Variants in LZTS1 observed in about 807,000 individuals in gnomAD.
LZTS1 encodes the protein leucine zipper putative tumor suppressor 1.
LZTS1 carries 31 observed loss-of-function variants against 45.8 expected under a neutral mutation model. The observed-to-expected ratio is 0.68, with a 90% CI of 0.51 to 0.91. The LOEUF (loss-of-function observed/expected upper bound fraction) is 0.91, where lower values mean the gene tolerates loss of function less well. LZTS1 is among the 40% of genes least tolerant of loss of function. The probability of loss-of-function intolerance (pLI) is 0.00; values close to 1 mark genes in which losing one functional copy is unlikely to be tolerated. For synonymous variants in LZTS1, 359 were observed against 357.3 expected (o/e 1.00, Z -0.05); for missense variants, 821 against 788.9 (o/e 1.04, Z -0.49).
chr8:20,263,230 G>A (rs58366232), intron 1 of LZTS1, among the ~76,000 whole-genome samples: 12,117 of 152,190 alleles, frequency 0.08, 546 homozygotes, highest in African/African-American at 0.1. Context: ...GGAAGCAGGC[G>A]GAGACTGGGC....
chr8:20,293,988 T>A (rs1010493296), intron 1 of LZTS1, among the ~76,000 whole-genome samples: 3 of 152,044 alleles, frequency 2.0e-5, no homozygotes, highest in African/African-American at 4.8e-5. Flanking sequence ...AAGAACTGGG[T>A]TCCTGAGGTG....
intron 1 of LZTS1, among the ~76,000 whole-genome samples, chr8:20,296,968 A>G (rs1355740859): frequency 6.6e-6 from 1 of 152,152 alleles, no homozygotes; most frequent in Non-Finnish European, 1.5e-5. Flanking sequence ...GCTGTTAGCT[A>G]ACACACACAT....
chr8:20,257,166 A>G (rs999956420), intron 1 of LZTS1, among the ~76,000 whole-genome samples: 7 of 152,200 alleles, frequency 4.6e-5, no homozygotes, highest in African/African-American at 1.7e-4. Context: ...CCTGGCTAAC[A>G]TGGTGGAACC....
intron 1 of LZTS1, among the ~76,000 whole-genome samples, chr8:20,257,714 G>T (rs1800139401): frequency 6.7e-6 from 1 of 148,322 alleles, no homozygotes; most frequent in South Asian, 2.1e-4. Context: ...CTGTTGCCCA[G>T]GCTGGAGTGC....
At chr8:20,268,077 T>C (rs372988708) in intron 1 of LZTS1, among the ~76,000 whole-genome samples, 6 of 152,274 alleles carry the variant, frequency 3.9e-5, no homozygotes, top group African/African-American at 9.6e-5. Context: ...TGTGAAATTA[T>C]AGAGCAGTAT....
At chr8:20,266,815 G>A (rs187814020) in intron 1 of LZTS1, among the ~76,000 whole-genome samples, 1 of 152,152 alleles carries the variant, frequency 6.6e-6, no homozygotes, top group Admixed American at 6.5e-5. Context: ...GGAGGTGAAA[G>A]TTACTCTCTT....
intron 1 of LZTS1, among the ~76,000 whole-genome samples, chr8:20,279,777 A>C (rs1800652581): frequency 6.6e-6 from 1 of 151,450 alleles, no homozygotes. Flanking sequence ...GCTTGAGTTC[A>C]GGAGTTTGAG....
chr8:20,285,361 A>G (rs73216450), intron 1 of LZTS1, among the ~76,000 whole-genome samples: 12,268 of 151,652 alleles, frequency 0.081, 608 homozygotes, highest in Admixed American at 0.14. Flanking sequence ...GAGCCCCACT[A>G]TGTCTCTGGG....
chr8:20,293,118 T>C (rs1030032820), intron 1 of LZTS1, among the ~76,000 whole-genome samples: 12 of 152,230 alleles, frequency 7.9e-5, no homozygotes, highest in African/African-American at 2.9e-4. Flanking sequence ...GAGATGAAGA[T>C]AGGTATTCTA....
rs1358871391 is a variant in LZTS1 at position 20,250,224 on chromosome 8, T to C, written c.1289A>G (p.Glu430Gly). The C allele has an allele frequency of 6.2e-7, 1 of 1,612,892 alleles. No homozygotes were observed. The highest frequency in any genetic ancestry group is 8.5e-7 in the Non-Finnish European group (1 of 1,180,002). The change falls in exon 4 of 4, where the codon GAG (glutamate) becomes GGG (glycine). Residue 430 changes from glutamate to glycine, a missense_variant. By Grantham distance (98) the Glu-to-Gly change is moderately conservative (BLOSUM62 -2). Transcript: ENST00000381569. ...GCCCTCCAGGTCCTGGGTCCTCAGC[T>C]CCAGGCCCTCCAGCTTGCCCCGCGT... is the stretch of plus-strand genomic sequence containing the variant. Reference protein sequence around the residue: ...KDTRGKLEGLELRTQDLEGAL... With the variant: ...KDTRGKLEGLGLRTQDLEGAL...
chr8:20,260,486 A>T (rs1332187949), intron 1 of LZTS1, among the ~76,000 whole-genome samples: 1 of 152,166 alleles, frequency 6.6e-6, no homozygotes. Flanking sequence ...CCCAAATGCC[A>T]CAATCTCCAT....
At position 20,250,181 on chromosome 8, in the gene LZTS1, G is replaced by A. The variant is rs1352152743; in HGVS notation, c.1332C>T (p.Gly444=). The A allele has an allele frequency of 2.5e-6, 4 of 1,611,038 alleles. No homozygotes were observed. The highest frequency in any genetic ancestry group is 2.5e-6 in the Non-Finnish European group (3 of 1,179,790). Residue 444 remains glycine, a synonymous_variant, in exon 4 of 4, where the codon GGC becomes GGT. Coordinates refer to ENST00000381569, the MANE Select transcript of LZTS1 (RefSeq NM_021020.5). ...CATTCTCACAGACCTCCAGCTCCAG[G>A]CCCTTGGTGCGCAGGGCGCCCTCCA... The part of the protein sequence containing the change: ...QDLEGALRTK[G]LELEVCENEL...
intron 1 of LZTS1, among the ~76,000 whole-genome samples, chr8:20,268,949 G>A (rs1477382281): frequency 1.3e-5 from 2 of 152,098 alleles, no homozygotes; most frequent in African/African-American, 4.8e-5. Flanking sequence ...TCTGCCGGGC[G>A]GGCTTTTGTG....
intron 1 of LZTS1, among the ~76,000 whole-genome samples, chr8:20,282,419 T>C (rs1381253930): frequency 6.6e-6 from 1 of 152,204 alleles, no homozygotes; most frequent in African/African-American, 2.4e-5. Flanking sequence ...ATGACAGATA[T>C]GACCTGGGGG....
intron 1 of LZTS1, among the ~76,000 whole-genome samples, chr8:20,259,421 T>C (rs144878357): frequency 0.012 from 1,886 of 152,276 alleles, 19 homozygotes; most frequent in Non-Finnish European, 0.018. Flanking sequence ...ATGGTTCTCA[T>C]CCATCTCCTC....
At chr8:20,286,332 T>A (rs967425755) in intron 1 of LZTS1, among the ~76,000 whole-genome samples, 1 of 152,190 alleles carries the variant, frequency 6.6e-6, no homozygotes, top group Non-Finnish European at 1.5e-5. Context: ...GCAAAAGATT[T>A]GAACAGGCTA....
In LZTS1 at chr8:20,254,882, C is replaced by G. The variant is rs368947201; in HGVS notation, c.300G>C (p.Pro100=). The change falls in exon 2 of 4, where the codon CCG becomes CCC. Residue 100 remains proline, a synonymous_variant. Transcript: ENST00000381569. ...AGGGCATGAGCTTGGGGGGTGTGGA[C>G]GGGTCAAAGTCCACCCCAGCCTGGC... ...LGGQAGVDFD[P]STPPKLMPFS... is the part of the protein sequence containing the mutation. 1 of 1,613,958 alleles carries G rather than the reference C, an allele frequency of 6.2e-7. No homozygotes were observed. The highest frequency in any genetic ancestry group is 8.5e-7 in the Non-Finnish European group (1 of 1,179,912).
Position 20,250,356 on chromosome 8 carries a change from T to C in LZTS1, c.1157A>G (p.Gln386Arg). 6.3e-7 allele frequency: 1 copy of C among 1,597,880 alleles called. No individual in the cohort carries two copies. The highest frequency in any genetic ancestry group is 1.3e-5 in the African/African-American group (1 of 74,772). ...ALEETQWEVC[Q>R]KSGEISLLKQ... ...CAGGAGGGAGATCTCGCCTGACTTC[T>C]GGCACACCTGCCGAGGGTGGGGTGG... Residue 386 changes from glutamine (Q) to arginine (R), a missense_variant, in exon 4 of 4, where the codon CAG becomes CGG. By Grantham distance (43) the Gln-to-Arg change is conservative. Transcript: ENST00000381569.
At chr8:20,286,340 C>A (rs1300685051) in intron 1 of LZTS1, among the ~76,000 whole-genome samples, 2 of 152,078 alleles carry the variant, frequency 1.3e-5, no homozygotes, top group Non-Finnish European at 2.9e-5. Flanking sequence ...TTTGAACAGG[C>A]TAGGACATGC....
Sources: allele counts gnomAD v4.1 joint callset (sites outside exome capture counted in the v4.1 genomes callset), GRCh38; gene constraint gnomAD v4.1.1; transcripts MANE v1.5; gene names NCBI Gene and HGNC (gene_info 2026-07-23, HGNC 2026-07-21).